The following KALRN variants were observed in gnomAD, a reference collection of about 807,000 sequenced individuals.
KALRN encodes the protein kalirin.
KALRN carries 70 observed loss-of-function variants against 353.7 expected under a neutral mutation model. The observed-to-expected ratio is 0.20, with a 90% CI of 0.16 to 0.24. The LOEUF is 0.24. KALRN is among the 10% of genes least tolerant of loss of function. The pLI, the probability that KALRN is intolerant of heterozygous loss-of-function variation, is 1.00. For missense variants in KALRN, 2,791 were observed against 3,756.7 expected (o/e 0.74, Z 6.72); for synonymous variants, 1,391 against 1,434.8 (o/e 0.97, Z 0.69).
intron 37 of KALRN, among the ~76,000 whole-genome samples, chr3:124,646,020 A>G (rs1242178386): frequency 6.6e-6 from 1 of 152,068 alleles, no homozygotes; most frequent in Non-Finnish European, 1.5e-5. Context: ...CTGTCTGGGA[A>G]TCGGACCCTG....
chr3:124,409,152 T>G (rs1030023564), intron 13 of KALRN, among the ~76,000 whole-genome samples: 4 of 151,612 alleles, frequency 2.6e-5, no homozygotes, highest in African/African-American at 7.3e-5. Context: ...TTCAGGAGAG[T>G]GGGGGAGACA....
intron 1 of KALRN, among the ~76,000 whole-genome samples, chr3:124,205,108 C>G (rs534629754): frequency 1.2e-4 from 18 of 152,278 alleles, no homozygotes; most frequent in African/African-American, 4.3e-4. Context: ...CATACTGGTC[C>G]AAATAGGAAG....
At position 124,671,651 on chromosome 3, in the gene KALRN, A is replaced by G. The variant is rs771702245; in HGVS notation, c.6704-9A>G. 2 of 1,599,698 alleles carry G rather than the reference A, an allele frequency of 1.3e-6. No homozygotes were observed. The highest frequency in any genetic ancestry group is 2.2e-5 in the South Asian group (2 of 90,742). ...AAGCTTAGAGTAACCACCTGCTCTT[A>G]TCCCACAGCACTGCAATCGCCCATT... is the stretch of plus-strand genomic sequence containing the variant. On this transcript the variant is annotated splice_polypyrimidine_tract_variant and intron_variant, in intron 47 of 59. Coordinates refer to ENST00000682506, the MANE Select transcript of KALRN (RefSeq NM_001388419.1).
intron 13 of KALRN, among the ~76,000 whole-genome samples, chr3:124,412,600 TTGCAGAAAAC>T (rs1282970442): frequency 1.3e-5 from 2 of 152,222 alleles, no homozygotes; most frequent in African/African-American, 4.8e-5. Flanking sequence ...TAGTCTCGAT[TTGCAGAAAAC>T]TGAGAGTAGA....
intron 30 of KALRN, 104 bp from the exon 31 acceptor site, chr3:124,491,219 C>A: frequency 2.9e-6 from 2 of 681,454 alleles, no homozygotes; most frequent in East Asian, 2.9e-5. Context: ...AGAAGCCCCT[C>A]CCTCGGTCCT....
At chr3:124,121,697 T>G (rs2064044990) in intron 1 of KALRN, among the ~76,000 whole-genome samples, 1 of 152,208 alleles carries the variant, frequency 6.6e-6, no homozygotes, top group Admixed American at 6.5e-5. Context: ...AGTTTGGGGA[T>G]GCTTTTGCAG....
At chr3:124,372,253 T>C (rs2085941018) in intron 10 of KALRN, among the ~76,000 whole-genome samples, 1 of 152,190 alleles carries the variant, frequency 6.6e-6, no homozygotes, top group African/African-American at 2.4e-5. Context: ...TTTTTTCTAA[T>C]TATGAAACTA....
intron 37 of KALRN, among the ~76,000 whole-genome samples, chr3:124,637,717 C>A (rs765431705): frequency 6.6e-6 from 1 of 152,154 alleles, no homozygotes; most frequent in Admixed American, 6.5e-5. Context: ...ACTTGGGTAG[C>A]CTTCCAGCGT....
intron 1 of KALRN, among the ~76,000 whole-genome samples, chr3:124,196,280 G>A (rs2075416622): frequency 6.6e-6 from 1 of 152,018 alleles, no homozygotes; most frequent in South Asian, 2.1e-4. Context: ...GGGTATGTGA[G>A]GGCTCTGAAA....
In KALRN at chr3:124,722,428, T is replaced by C. The variant is rs1224117059; in HGVS notation, c.*2958T>C. ...GTACAATCATTAGACTAGAATGAAC[T>C]TAATAGAGGCCCCAAGAGAAAGGGG... On this transcript the variant is annotated 3_prime_UTR_variant, in exon 60 of 60. Coordinates refer to ENST00000682506, the MANE Select transcript of KALRN (RefSeq NM_001388419.1). The C allele has an allele frequency of 6.6e-6, 1 of 152,090 alleles. No homozygotes were observed. Among genetic ancestry groups the C allele is most frequent in the Non-Finnish European group, 1.5e-5 (1 of 68,020 alleles). The allele number at this position is 152,090 out of a possible 1,614,324, so 9.4% of individuals were successfully genotyped here. A position where few individuals can be genotyped will look rare whatever the true frequency, so the allele number is the denominator to read the frequency against.
chr3:124,282,213 G>A (rs954352187), intron 5 of KALRN, among the ~76,000 whole-genome samples: 3 of 152,098 alleles, frequency 2.0e-5, no homozygotes, highest in Non-Finnish European at 2.9e-5. Context: ...AGTGGGACAC[G>A]AGTGGGAACA....
chr3:124,058,700 C>G (rs1356517439), intron 1 of KALRN, among the ~76,000 whole-genome samples: 2 of 152,188 alleles, frequency 1.3e-5, no homozygotes, highest in African/African-American at 2.4e-5. Flanking sequence ...ATTGATCCAG[C>G]CCAATTAAAT....
chr3:124,460,058 G>GT (rs1212267404), intron 23 of KALRN, among the ~76,000 whole-genome samples: 1 of 152,192 alleles, frequency 6.6e-6, no homozygotes, highest in African/African-American at 2.4e-5. Context: ...TTGATAGCTT[G>GT]TAGATGGCTG....
intron 33 of KALRN, among the ~76,000 whole-genome samples, chr3:124,511,150 AT>A (rs1433158118): frequency 2.0e-5 from 3 of 151,618 alleles, no homozygotes; most frequent in Non-Finnish European, 4.4e-5. Context: ...GTCAAACATT[AT>A]TCTTTAACAT....
intron 11 of KALRN, among the ~76,000 whole-genome samples, chr3:124,390,395 T>C (rs1483225803): frequency 6.6e-6 from 1 of 152,222 alleles, no homozygotes; most frequent in Non-Finnish European, 1.5e-5. Context: ...TGTGGAATCA[T>C]TCTGCCACAC....
rs2083682251 is a variant in KALRN, at chr3:124,653,831, G to T, written c.5796-1770G>T. 2.6e-5 allele frequency among the ~76,000 whole-genome samples: 4 copies of T among 152,208 alleles called. No homozygotes were observed. The South Asian group carries it at 8.3e-4, about 32-fold the overall frequency. ...CTTATCATGAAAAACATGCCTTGTT[G>T]TCAGTTCATTTGGCAATTAATTGTG... is the stretch of plus-strand genomic sequence containing the variant. On this transcript the variant is annotated intron_variant, in intron 38 of 59. Transcript: ENST00000682506.
At chr3:124,182,852 G>A (rs868607091) in intron 1 of KALRN, among the ~76,000 whole-genome samples, 10 of 152,252 alleles carry the variant, frequency 6.6e-5, no homozygotes, top group Middle Eastern at 3.4e-3. Flanking sequence ...GACCAAAACC[G>A]CATCTTCACA....
At chr3:124,307,334 A>C (rs1403675675) in intron 6 of KALRN, among the ~76,000 whole-genome samples, 1 of 152,096 alleles carries the variant, frequency 6.6e-6, no homozygotes, top group East Asian at 1.9e-4. Context: ...ATGATAAATA[A>C]GACTAATATG....
At chr3:124,077,522 C>T (rs574374308) in intron 1 of KALRN, among the ~76,000 whole-genome samples, 35 of 152,252 alleles carry the variant, frequency 2.3e-4, no homozygotes, top group African/African-American at 6.7e-4. Flanking sequence ...CTTCCAAATC[C>T]GCATCCTTCC....
Sources: allele counts gnomAD v4.1 joint callset (sites outside exome capture counted in the v4.1 genomes callset), GRCh38; gene constraint gnomAD v4.1.1; transcripts MANE v1.5; gene names NCBI Gene and HGNC (gene_info 2026-07-23, HGNC 2026-07-21).